Variants in SNX13 observed in about 807,000 individuals in gnomAD.
The protein encoded by SNX13 is sorting nexin-13.
In SNX13, 45 loss-of-function variants were observed where a neutral mutation model predicts 133.6. The ratio of observed to expected loss-of-function variants is 0.34; its 90% CI spans 0.27 to 0.43. SNX13 has a LOEUF of 0.43. SNX13 is among the 20% of genes least tolerant of loss of function. SNX13 has a pLI of 1.00. For synonymous variants in SNX13, 414 were observed against 373.9 expected (o/e 1.11, Z -1.24); for missense variants, 1,032 against 1,145.1 (o/e 0.90, Z 1.43).
At chr7:17,902,087 T>C (rs1483281060) in intron 1 of SNX13, among the ~76,000 whole-genome samples, 1 of 152,180 alleles carries the variant, frequency 6.6e-6, no homozygotes, top group Non-Finnish European at 1.5e-5. Flanking sequence ...AAACTCAACT[T>C]TTCATATTCT....
intron 1 of SNX13, among the ~76,000 whole-genome samples, chr7:17,918,027 A>G (rs924768075): frequency 6.6e-6 from 1 of 152,182 alleles, no homozygotes; most frequent in Non-Finnish European, 1.5e-5. Context: ...GACCTTCGAC[A>G]ACATCGACAA....
chr7:17,807,785 G>A (rs1008737340), intron 20 of SNX13, among the ~76,000 whole-genome samples: 1 of 152,124 alleles, frequency 6.6e-6, no homozygotes, highest in African/African-American at 2.4e-5. Context: ...CAGCAATCTT[G>A]GCTGCTCTGC....
chr7:17,863,757 C>G (rs6942888), intron 9 of SNX13, among the ~76,000 whole-genome samples: 2,846 of 152,318 alleles, frequency 0.019, 72 homozygotes, highest in African/African-American at 0.065. Context: ...CTGCACGGTG[C>G]CAGCCATGGT....
chr7:17,810,203 A>G (rs1785843948), intron 20 of SNX13, among the ~76,000 whole-genome samples: 1 of 152,210 alleles, frequency 6.6e-6, no homozygotes, highest in Non-Finnish European at 1.5e-5. Context: ...GAAAAGATCA[A>G]CAAGATAGAT....
intron 8 of SNX13, among the ~76,000 whole-genome samples, chr7:17,868,931 T>C (rs1050033260): frequency 2.0e-5 from 3 of 152,216 alleles, no homozygotes; most frequent in African/African-American, 2.4e-5. Flanking sequence ...ACTGGTTACA[T>C]CTAGGTGGTT....
At chr7:17,898,401 C>G (rs1158494576) in intron 1 of SNX13, 3 of 152,132 alleles carry the variant, frequency 2.0e-5, no homozygotes, top group Non-Finnish European at 4.4e-5. Context: ...AACTACAGAA[C>G]AGACAGTAAG....
At chr7:17,889,611 C>G (rs1796407538) in intron 5 of SNX13, 1 of 151,586 alleles carries the variant, frequency 6.6e-6, no homozygotes, top group Admixed American at 6.6e-5. Context: ...AAAAGGCTTT[C>G]AAAAAGTTAG....
chr7:17,906,917 A>G (rs1431054166), intron 1 of SNX13, among the ~76,000 whole-genome samples: 1 of 152,210 alleles, frequency 6.6e-6, no homozygotes, highest in Non-Finnish European at 1.5e-5. Flanking sequence ...TAATACAGTC[A>G]GCCCTAACAA....
chr7:17,884,677 GA>G (rs990183350), intron 5 of SNX13, among the ~76,000 whole-genome samples: 1 of 151,998 alleles, frequency 6.6e-6, no homozygotes, highest in Non-Finnish European at 1.5e-5. Context: ...TAGACACTGG[GA>G]AAAAAGTATG....
At chr7:17,816,888 T>C (rs1486033139) in intron 18 of SNX13, among the ~76,000 whole-genome samples, 1 of 152,224 alleles carries the variant, frequency 6.6e-6, no homozygotes, top group African/African-American at 2.4e-5. Context: ...CTCCCTAATA[T>C]TGACATTGTT....
intron 21 of SNX13, among the ~76,000 whole-genome samples, chr7:17,802,544 C>T: frequency 6.6e-6 from 1 of 152,038 alleles, no homozygotes; most frequent in East Asian, 1.9e-4. Context: ...TGTACAAATT[C>T]ATATGAGTAA....
intron 13 of SNX13, 142 bp from the exon 14 acceptor site, chr7:17,835,007 TAAG>T: frequency 1.8e-6 from 1 of 547,220 alleles, no homozygotes; most frequent in South Asian, 2.8e-5. Context: ...CCTTGATGTT[TAAG>T]AAGGATGAAA....
At chr7:17,936,789 C>T (rs1438771407) in intron 1 of SNX13, among the ~76,000 whole-genome samples, 2 of 149,602 alleles carry the variant, frequency 1.3e-5, no homozygotes, top group Non-Finnish European at 3.0e-5. Context: ...ACATCCCATG[C>T]TCTAATTTCG....
rs2128033616 is a variant in SNX13, at chr7:17,919,612, C to T, written c.12+20672G>A. Among the ~76,000 whole-genome samples, 6 of 152,234 alleles carry T rather than the reference C, an allele frequency of 3.9e-5. No individual in the cohort carries two copies. In the Middle Eastern group the frequency reaches 0.014, roughly 345 times the overall value. The stretch of plus-strand genomic sequence containing the variant: ...TACCCCTAGATGACAGACAATTGAT[C>T]TAATGTGCAGAGTTCTATAACAAAT... On this transcript the variant is annotated intron_variant, in intron 1 of 25. Coordinates refer to ENST00000428135, the MANE Select transcript of SNX13 (RefSeq NM_015132.5).
Position 17,893,365 on chromosome 7 carries a change from T to A in SNX13, c.195A>T (p.Ser65=), listed in dbSNP as rs754226894. 1.1e-5 allele frequency: 18 copies of A among 1,577,702 alleles called. No homozygotes were observed. The highest frequency in any genetic ancestry group is 1.6e-5 in the Non-Finnish European group (18 of 1,159,956). The change falls in exon 3 of 26, where the codon TCA becomes TCT. Residue 65 remains serine (S), a synonymous_variant. Transcript: ENST00000428135. The stretch of plus-strand genomic sequence containing the variant: ...CCCCAGGTGATGTTGGAGGAAGAAA[T>A]GAGTGTTCACACTGTTCTAGGTACT... ...SEKYLEQCEH[S]FLPPTSPGVP...
At chr7:17,899,666 CTCTT>C (rs1454564053) in intron 1 of SNX13, 1 of 151,910 alleles carries the variant, frequency 6.6e-6, no homozygotes, top group Non-Finnish European at 1.5e-5. Flanking sequence ...TTATTTTAAT[CTCTT>C]TGTTAAATTT....
rs187408948 is a variant in SNX13, at chr7:17,879,006, C to T, written c.441-3216G>A. Among the ~76,000 whole-genome samples the T allele has an allele frequency of 1.2e-3, 177 of 152,232 alleles. 2 individuals carry two copies. The highest frequency in any genetic ancestry group is 4.0e-3 in the African/African-American group (168 of 41,560). On this transcript the variant is annotated intron_variant, in intron 5 of 25. Coordinates refer to ENST00000428135, the MANE Select transcript of SNX13 (RefSeq NM_015132.5). The stretch of plus-strand genomic sequence containing the variant: ...TTAAAGTTCATCTAAAATGTCAATT[C>T]CACATGCCAACCTTCACTGACCCCC...
intron 1 of SNX13, among the ~76,000 whole-genome samples, chr7:17,921,258 C>G (rs754258923): frequency 1.3e-5 from 2 of 152,198 alleles, no homozygotes; most frequent in Non-Finnish European, 2.9e-5. Context: ...GTTCTCTAGA[C>G]TAATAATGAA....
intron 20 of SNX13, among the ~76,000 whole-genome samples, chr7:17,806,052 G>A (rs905932502): frequency 1.3e-5 from 2 of 152,202 alleles, no homozygotes; most frequent in African/African-American, 4.8e-5. Flanking sequence ...ATGCACAGGA[G>A]ATTACGGATT....
Sources: allele counts gnomAD v4.1 joint callset (sites outside exome capture counted in the v4.1 genomes callset), GRCh38; gene constraint gnomAD v4.1.1; transcripts MANE v1.5; gene names NCBI Gene and HGNC (gene_info 2026-07-23, HGNC 2026-07-21).